SYN3: variants seen among roughly 807,000 people sequenced by gnomAD.
SYN3 encodes synapsin III.
SYN3 carries 35 observed loss-of-function variants against 65.8 expected under a neutral mutation model. The ratio of observed to expected loss-of-function variants is 0.53; its 90% CI spans 0.41 to 0.70. The LOEUF is 0.70. SYN3 is among the 30% of genes least tolerant of loss of function. SYN3 has a pLI of 0.00. For synonymous variants in SYN3, 270 were observed against 292.9 expected (o/e 0.92, Z 0.80); for missense variants, 680 against 749.0 (o/e 0.91, Z 1.08).
rs747647094 is a variant in SYN3 at position 32,513,742 on chromosome 22, C to T, written c.1693G>A (p.Glu565Lys). ...GACTTCCTCAGGTTGCGGATGGTTT[C>T]AGCCTTGGCCTCGTCTTCACTTGGG... Reference protein sequence around the residue: ...GTPSEDEAKAETIRNLRKSFA... With the variant: ...GTPSEDEAKAKTIRNLRKSFA... Residue 565 changes from glutamate to lysine, a missense_variant, in exon 14 of 14, where the codon GAA becomes AAA. Physicochemically the swap from Glu to Lys is moderately conservative, Grantham distance 56. Coordinates refer to ENST00000358763, the MANE Select transcript of SYN3 (RefSeq NM_003490.4). 4 of 1,614,186 alleles carry T rather than the reference C, an allele frequency of 2.5e-6. No individual in the cohort carries two copies. Among genetic ancestry groups the T allele is most frequent in the Non-Finnish European group, 3.4e-6 (4 of 1,180,026 alleles).
intron 6 of SYN3, among the ~76,000 whole-genome samples, chr22:32,615,199 C>A (rs2059498812): frequency 6.6e-6 from 1 of 151,974 alleles, no homozygotes; most frequent in Non-Finnish European, 1.5e-5. Flanking sequence ...GGATCCACCG[C>A]TGAGGTGGGT....
At chr22:32,747,852 C>T (rs987395705) in intron 6 of SYN3, among the ~76,000 whole-genome samples, 1 of 152,248 alleles carries the variant, frequency 6.6e-6, no homozygotes, top group Admixed American at 6.5e-5. Flanking sequence ...CCTGTCCACT[C>T]ATGCCTGATT....
intron 6 of SYN3, among the ~76,000 whole-genome samples, chr22:32,660,732 A>C (rs1001657417): frequency 2.6e-5 from 4 of 152,200 alleles, no homozygotes; most frequent in African/African-American, 9.7e-5. Context: ...AGTTGGCGCC[A>C]TGTCTATTTC....
intron 4 of SYN3, among the ~76,000 whole-genome samples, chr22:32,918,555 G>C (rs886562196): frequency 6.6e-6 from 1 of 152,042 alleles, no homozygotes; most frequent in Non-Finnish European, 1.5e-5. Context: ...CTGTATTAGC[G>C]ATCTAGCTAG....
intron 6 of SYN3, among the ~76,000 whole-genome samples, chr22:32,675,383 G>A (rs2060425712): frequency 6.6e-6 from 1 of 152,198 alleles, no homozygotes; most frequent in Non-Finnish European, 1.5e-5. Context: ...GCCAGGAGCA[G>A]GTGCTTGCCA....
intron 7 of SYN3, among the ~76,000 whole-genome samples, chr22:32,566,405 C>T (rs945050218): frequency 2.2e-4 from 33 of 151,962 alleles, no homozygotes; most frequent in Non-Finnish European, 1.2e-4. Flanking sequence ...AGGTCAGAAC[C>T]GTAGGGCACA....
chr22:32,522,681 T>G (rs1296293926), intron 12 of SYN3, among the ~76,000 whole-genome samples: 7 of 152,208 alleles, frequency 4.6e-5, no homozygotes, highest in African/African-American at 1.7e-4. Flanking sequence ...TAGTAAATTA[T>G]TAGTAGTAAG....
chr22:32,672,116 A>T (rs2060380015), intron 6 of SYN3, among the ~76,000 whole-genome samples: 2 of 152,158 alleles, frequency 1.3e-5, no homozygotes, highest in Non-Finnish European at 2.9e-5. Flanking sequence ...TCCCCCATCC[A>T]TCATGGCCAG....
chr22:32,726,394 G>A (rs1194023056), intron 6 of SYN3, among the ~76,000 whole-genome samples: 2 of 152,136 alleles, frequency 1.3e-5, no homozygotes, highest in Admixed American at 6.5e-5. Flanking sequence ...GCCCGCCTTG[G>A]CCTCCCAAAG....
At chr22:32,830,674 G>A (rs531444677) in intron 6 of SYN3, among the ~76,000 whole-genome samples, 13 of 151,878 alleles carry the variant, frequency 8.6e-5, no homozygotes, top group Admixed American at 3.3e-4. Flanking sequence ...CCCCGCCCCC[G>A]CAATACCACT....
rs758865857 is a variant in SYN3 at position 32,518,319 on chromosome 22, G to A, written c.1334C>T (p.Ala445Val). The change falls in exon 13 of 14, where the codon GCT becomes GTT. Residue 445 changes from alanine to valine, a missense_variant. By Grantham distance (64) the Ala-to-Val change is moderately conservative. Transcript: ENST00000358763. ...AGATCTCTGGGGCTGAGGAGACTGA[G>A]CTTGGCGAGGGCCTCCTAAGGGGCC... ...RPPPQGGPRQ[A>V]QSPQPQRSGS... is the part of the protein sequence containing the mutation. The A allele has an allele frequency of 7.5e-6, 12 of 1,609,096 alleles. No individual in the cohort carries two copies. Among genetic ancestry groups the A allele is most frequent in the Non-Finnish European group, 1.0e-5 (12 of 1,177,586 alleles).
At chr22:32,566,625 T>G (rs2058675155) in intron 7 of SYN3, among the ~76,000 whole-genome samples, 1 of 152,106 alleles carries the variant, frequency 6.6e-6, no homozygotes, top group African/African-American at 2.4e-5. Context: ...TATTTGGAGG[T>G]CATGAATTAT....
chr22:32,587,341 G>A (rs1342451219), intron 7 of SYN3, among the ~76,000 whole-genome samples: 1 of 151,884 alleles, frequency 6.6e-6, no homozygotes, highest in Admixed American at 6.6e-5. Context: ...GATTGAGAGG[G>A]AGGGCAGTGG....
intron 6 of SYN3, among the ~76,000 whole-genome samples, chr22:32,843,208 A>G (rs1486093282): frequency 6.6e-6 from 1 of 152,224 alleles, no homozygotes; most frequent in Admixed American, 6.5e-5. Context: ...CCATGAGGAC[A>G]GAGTTAAAGA....
At chr22:32,725,387 C>T (rs1396839540) in intron 6 of SYN3, among the ~76,000 whole-genome samples, 2 of 152,106 alleles carry the variant, frequency 1.3e-5, no homozygotes, top group African/African-American at 2.4e-5. Flanking sequence ...CAAACTTTTG[C>T]TTTCAGTCTT....
intron 6 of SYN3, among the ~76,000 whole-genome samples, chr22:32,630,866 G>A (rs1036032304): frequency 2.0e-5 from 3 of 152,188 alleles, no homozygotes; most frequent in Admixed American, 6.5e-5. Context: ...CCAAATACAG[G>A]TGTTTGACCT....
chr22:32,575,098 G>A (rs573049771), intron 7 of SYN3, among the ~76,000 whole-genome samples: 4 of 152,334 alleles, frequency 2.6e-5, no homozygotes, highest in East Asian at 1.9e-4. Flanking sequence ...AGGGAATGGC[G>A]CCATGCCGGG....
chr22:33,007,488 A>G (rs948243974), intron 1 of SYN3, among the ~76,000 whole-genome samples: 6 of 152,182 alleles, frequency 3.9e-5, no homozygotes, highest in African/African-American at 1.4e-4. Context: ...AATGCTGAAT[A>G]TGATGCTTCG....
At position 32,676,528 on chromosome 22, in the gene SYN3, CTTTTTTT is replaced by C. The variant is rs879196572; in HGVS notation, c.712-79799_712-79793del. Reference sequence around the variant, plus strand: ...CCATTTTCTTTCTTTTCTTTTCTTTCTTTTTTTTTTTTTTTTTTTTTTTTTTTTTGAC... The same window carrying C: ...CCATTTTCTTTCTTTTCTTTTCTTTCTTTTTTTTTTTTTTTTTTTTTTGAC... On this transcript the variant is annotated intron_variant, in intron 6 of 13. Coordinates refer to ENST00000358763, the MANE Select transcript of SYN3 (RefSeq NM_003490.4). 7.7e-3 allele frequency among the ~76,000 whole-genome samples: 688 copies of C among 88,932 alleles called. 28 individuals carry two copies. The highest frequency in any genetic ancestry group is 0.029 in the African/African-American group (559 of 19,280). 58.3% of individuals were successfully genotyped at this position (88,932 alleles called of 152,430 possible). A position where few individuals can be genotyped will look rare whatever the true frequency, so the allele number is the denominator to read the frequency against.
Sources: gnomAD v4.1 joint callset for allele counts (sites outside exome capture counted in the v4.1 genomes callset) on GRCh38, gnomAD v4.1.1 for gene constraint, MANE v1.5 for transcripts, NCBI Gene and HGNC (gene_info 2026-07-23, HGNC 2026-07-21) for gene names.